The following PRDM16 variants were observed in gnomAD, a reference collection of about 807,000 sequenced individuals.
The protein encoded by PRDM16 is histone-lysine N-methyltransferase PRDM16.
Under a neutral mutation model 110.6 loss-of-function variants are expected in PRDM16, and 23 were observed. The observed-to-expected ratio is 0.21, with a 90% confidence interval of 0.15 to 0.29. The LOEUF is 0.29. Ranked by LOEUF, PRDM16 falls within the 10% of genes least tolerant of loss-of-function variation. The probability of loss-of-function intolerance (pLI) is 1.00; values close to 1 mark genes in which losing one functional copy is unlikely to be tolerated. For missense variants in PRDM16, 1,615 were observed against 1,794.3 expected (o/e 0.90, Z 1.81); for synonymous variants, 799 against 781.8 (o/e 1.02, Z -0.37).
At chr1:3,146,910 G>C (rs1452688733) in intron 1 of PRDM16, among the ~76,000 whole-genome samples, 1 of 61,690 alleles carries the variant, frequency 1.6e-5, no homozygotes, top group Non-Finnish European at 2.7e-5. Flanking sequence ...TGTGTGCTCA[G>C]TGTGGGGGGG....
At chr1:3,134,923 G>A (rs1013605918) in intron 1 of PRDM16, among the ~76,000 whole-genome samples, 4 of 152,182 alleles carry the variant, frequency 2.6e-5, no homozygotes, top group African/African-American at 7.2e-5. Flanking sequence ...GGTATTAGCC[G>A]GGGATTAGAC....
intron 1 of PRDM16, among the ~76,000 whole-genome samples, chr1:3,093,456 T>C (rs765080760): frequency 5.4e-4 from 83 of 152,296 alleles, no homozygotes; most frequent in Middle Eastern, 3.4e-3. Flanking sequence ...TGATTGACTG[T>C]TTCTCCAGAC....
intron 3 of PRDM16, among the ~76,000 whole-genome samples, chr1:3,367,870 C>T (rs1176714305): frequency 7.2e-5 from 11 of 152,084 alleles, no homozygotes; most frequent in Admixed American, 6.5e-4. Flanking sequence ...CAAAAGAAGG[C>T]ATTTGAGGAA....
chr1:3,373,269 C>T (rs1297267161), intron 3 of PRDM16, among the ~76,000 whole-genome samples: 1 of 152,202 alleles, frequency 6.6e-6, no homozygotes, highest in Non-Finnish European at 1.5e-5. Context: ...AGCATTCACA[C>T]CCAGAGTCTC....
chr1:3,217,814 C>T (rs965887486), intron 2 of PRDM16, among the ~76,000 whole-genome samples: 14 of 152,232 alleles, frequency 9.2e-5, no homozygotes, highest in Non-Finnish European at 1.8e-4. Flanking sequence ...GACGCGCGCT[C>T]TTCCCCCTAG....
chr1:3,092,285 C>T (rs527931483), intron 1 of PRDM16, among the ~76,000 whole-genome samples: 1 of 149,804 alleles, frequency 6.7e-6, no homozygotes, highest in South Asian at 2.1e-4. Flanking sequence ...ACGAGGGCTG[C>T]TCTTCGTGAG....
rs748057770 is a variant in PRDM16 at position 3,105,642 on chromosome 1, G to A, written c.37+36346G>A. Among the ~76,000 whole-genome samples, 3 of 152,222 alleles carry A rather than the reference G, an allele frequency of 2.0e-5. No individual in the cohort carries two copies. The South Asian group carries it at 6.2e-4, about 32-fold the overall frequency. On this transcript the variant is annotated intron_variant, in intron 1 of 16. Coordinates refer to ENST00000270722, the MANE Select transcript of PRDM16 (RefSeq NM_022114.4). ...AGTATTGCGGGATGAATAGGCCAGC[G>A]CAGATTCCTATGGTAACCTTCAAAA...
chr1:3,396,392 C>A, intron 4 of PRDM16, 99 bp from the exon 5 acceptor site: 1 of 749,186 alleles, frequency 1.3e-6, no homozygotes, highest in Non-Finnish European at 2.4e-6. Context: ...AAGTGCAGGC[C>A]GAGCTGCGTC....
Position 3,318,227 on chromosome 1 carries a change from TA to T in PRDM16, c.439-66924del, listed in dbSNP as rs1436419677. ...ACACGTATAGGACTTTTAATAACTG[TA>T]TTAAGAAGGTCTTCCGAGCTCCTTT... On this transcript the variant is annotated intron_variant, in intron 3 of 16. Coordinates refer to ENST00000270722, the MANE Select transcript of PRDM16 (RefSeq NM_022114.4). 3.3e-5 allele frequency among the ~76,000 whole-genome samples: 5 copies of T among 152,196 alleles called. No homozygotes were observed. In the East Asian group the frequency reaches 7.7e-4, roughly 23 times the overall value.
intron 1 of PRDM16, among the ~76,000 whole-genome samples, chr1:3,171,412 G>T (rs1258728909): frequency 6.6e-6 from 1 of 152,172 alleles, no homozygotes; most frequent in Non-Finnish European, 1.5e-5. Context: ...GTCCTCGGGT[G>T]GCCTGGCCTG....
chr1:3,366,138 T>C (rs1366294414), intron 3 of PRDM16, among the ~76,000 whole-genome samples: 1 of 152,204 alleles, frequency 6.6e-6, no homozygotes, highest in Non-Finnish European at 1.5e-5. Flanking sequence ...TCAGGGGGGC[T>C]CTAGCGCCCC....
At chr1:3,211,124 T>C (rs2100844568) in intron 2 of PRDM16, among the ~76,000 whole-genome samples, 1 of 152,354 alleles carries the variant, frequency 6.6e-6, no homozygotes, top group African/African-American at 2.4e-5. Flanking sequence ...TGGTCATTTG[T>C]TCGATGCTGG....
In PRDM16 at chr1:3,370,680, C is replaced by CTG. The variant is rs949366185; in HGVS notation, c.439-14469_439-14468dup. ...GGGCAGGCTTCCCAGGAGAGGTGTC[C>CTG]TGTGCTCTGCCACCATGACAACTCC... On this transcript the variant is annotated intron_variant, in intron 3 of 16. Coordinates refer to ENST00000270722, the MANE Select transcript of PRDM16 (RefSeq NM_022114.4). This position sits in a 1 kb window ranked among gnomAD's most constrained non-coding sequence, Gnocchi z 4.8. 1.3e-5 allele frequency among the ~76,000 whole-genome samples: 2 copies of CTG among 152,312 alleles called. No individual in the cohort carries two copies. The highest frequency in any genetic ancestry group is 1.3e-4 in the Admixed American group (2 of 15,308).
At chr1:3,362,594 A>G (rs1431849352) in intron 3 of PRDM16, among the ~76,000 whole-genome samples, 1 of 152,140 alleles carries the variant, frequency 6.6e-6, no homozygotes, top group Non-Finnish European at 1.5e-5. Flanking sequence ...GTCGCCTGGG[A>G]CTGCCGAGGG....
At chr1:3,409,405 C>A in intron 8 of PRDM16, among the ~76,000 whole-genome samples, 1 of 152,106 alleles carries the variant, frequency 6.6e-6, no homozygotes, top group South Asian at 2.1e-4. Flanking sequence ...AGACAAAGTT[C>A]TTCTCCCCTC....
chr1:3,160,558 A>G (rs1643889485), intron 1 of PRDM16, among the ~76,000 whole-genome samples: 1 of 152,184 alleles, frequency 6.6e-6, no homozygotes, highest in Non-Finnish European at 1.5e-5. Flanking sequence ...GGCTTGGGTC[A>G]CAGAGAACAA....
intron 3 of PRDM16, among the ~76,000 whole-genome samples, chr1:3,270,466 G>A (rs983494419): frequency 8.6e-5 from 13 of 151,212 alleles, no homozygotes; most frequent in African/African-American, 2.4e-4. Flanking sequence ...GACAGTCGGC[G>A]AGGAGGACAG....
rs949673311 is a variant in PRDM16, at chr1:3,354,756, C to T, written c.439-30396C>T. ...ACGACAGAGCAGGCTGGGACCAGGA[C>T]GTCTAAATCCTGACCCAGGCAAGAG... On this transcript the variant is annotated intron_variant, in intron 3 of 16. Coordinates refer to ENST00000270722, the MANE Select transcript of PRDM16 (RefSeq NM_022114.4). Among the ~76,000 whole-genome samples, 13 of 152,282 alleles carry T rather than the reference C, an allele frequency of 8.5e-5. No homozygotes were observed. The South Asian group carries it at 2.3e-3, about 27-fold the overall frequency.
intron 1 of PRDM16, among the ~76,000 whole-genome samples, chr1:3,088,289 A>AAAT (rs969472416): frequency 6.6e-6 from 1 of 151,804 alleles, no homozygotes; most frequent in Non-Finnish European, 1.5e-5. Context: ...AAAGCAATAA[A>AAAT]AATAATAATA....
Sources: allele counts gnomAD v4.1 joint callset (sites outside exome capture counted in the v4.1 genomes callset), GRCh38; gene constraint gnomAD v4.1.1; non-coding constraint Gnocchi (gnomAD v3.1); transcripts MANE v1.5; gene names NCBI Gene and HGNC (gene_info 2026-07-23, HGNC 2026-07-21).